The following ITGAM variants were observed in gnomAD, a reference collection of about 807,000 sequenced individuals.
ITGAM encodes integrin alpha-M.
ITGAM carries 79 observed loss-of-function variants against 137.5 expected under a neutral mutation model. The observed-to-expected ratio is 0.57, with a 90% confidence interval of 0.48 to 0.69. ITGAM has a LOEUF of 0.69. ITGAM is among the 30% of genes least tolerant of loss of function. The pLI, the probability that ITGAM is intolerant of heterozygous loss-of-function variation, is 0.00. For synonymous variants in ITGAM, 583 were observed against 592.3 expected, an observed-to-expected ratio of 0.98 and a Z score of 0.23; for missense variants, 1,343 against 1,483.5, an observed-to-expected ratio of 0.91 and a Z score of 1.56.
At chr16:31,276,785 G>T in intron 10 of ITGAM, 41 bp downstream of exon 10, 1 of 1,569,632 alleles carries the variant, frequency 6.4e-7, no homozygotes, top group South Asian at 1.1e-5. Flanking sequence ...GGGGCAGGGG[G>T]TAGCAAGAAG....
chr16:31,302,408 T>TTTTCTTTCTTTC (rs140903387), intron 14 of ITGAM, among the ~76,000 whole-genome samples: 18 of 130,964 alleles, frequency 1.4e-4, no homozygotes, highest in African/African-American at 5.8e-4. Context: ...TTCTTTTCTT[T>TTTTCTTTCTTTC]TTTCTTTCTT....
chr16:31,272,489 T>A (rs2079862582), intron 7 of ITGAM, among the ~76,000 whole-genome samples: 3 of 61,288 alleles, frequency 4.9e-5, no homozygotes, highest in African/African-American at 1.8e-4. Flanking sequence ...TTTTTTTTTT[T>A]TTTTTTTTTT....
chr16:31,292,834 T>G (rs1261842972), intron 12 of ITGAM, among the ~76,000 whole-genome samples: 1 of 152,086 alleles, frequency 6.6e-6, no homozygotes, highest in African/African-American at 2.4e-5. Context: ...TTTGAGGAGT[T>G]GCCATACTGC....
intron 1 of ITGAM, among the ~76,000 whole-genome samples, chr16:31,261,198 CTTTTT>C (rs1017498448): frequency 8.1e-6 from 1 of 123,234 alleles, no homozygotes; most frequent in African/African-American, 2.9e-5. Flanking sequence ...ATGCTGCTAT[CTTTTT>C]TTTTTTTTTT....
At chr16:31,321,767 G>C in intron 16 of ITGAM, 140 bp downstream of exon 16, 2 of 856,590 alleles carry the variant, frequency 2.3e-6, no homozygotes, top group Non-Finnish European at 3.5e-6. Context: ...CCTTACCTGA[G>C]TGAGCAGGCT....
chr16:31,274,630 T>C (rs1297780645), intron 8 of ITGAM, among the ~76,000 whole-genome samples: 1 of 152,102 alleles, frequency 6.6e-6, no homozygotes, highest in Non-Finnish European at 1.5e-5. Context: ...ATTTATTTAT[T>C]TTGAGACTGA....
At chr16:31,278,167 A>T in intron 12 of ITGAM, 58 bp downstream of exon 12, 1 of 1,525,498 alleles carries the variant, frequency 6.6e-7, no homozygotes. Context: ...GGTCTTAGAG[A>T]TTCCAGGAGG....
chr16:31,285,096 G>T (rs550365556), intron 12 of ITGAM, among the ~76,000 whole-genome samples: 2 of 152,218 alleles, frequency 1.3e-5, no homozygotes, highest in African/African-American at 2.4e-5. Context: ...ACGTGAGGGG[G>T]TCGTGATCGA....
chr16:31,304,116 G>A lies in ITGAM; in HGVS notation c.1707+6162G>A, dbSNP rs971880831. ...AGTGTCCCCTTTTCATCACATCCAT[G>A]CCAGATCTATTGTTTTTTGACTTTT... On this transcript the variant is annotated intron_variant, in intron 14 of 29. Transcript: ENST00000544665. Among the ~76,000 whole-genome samples, 12 of 152,130 alleles carry A rather than the reference G, an allele frequency of 7.9e-5. 1 individual carries two copies. The highest frequency in any genetic ancestry group is 4.6e-4 in the Admixed American group (7 of 15,262).
chr16:31,306,312 A>G (rs1057148755), intron 14 of ITGAM, among the ~76,000 whole-genome samples: 4 of 152,144 alleles, frequency 2.6e-5, no homozygotes, highest in African/African-American at 9.7e-5. Flanking sequence ...TAAAATAACG[A>G]TGATAATTTA....
intron 14 of ITGAM, among the ~76,000 whole-genome samples, chr16:31,304,841 A>G (rs918088516): frequency 2.0e-5 from 3 of 152,160 alleles, no homozygotes; most frequent in African/African-American, 4.8e-5. Flanking sequence ...TACCAGTACC[A>G]TGCTGTTTTG....
In ITGAM at chr16:31,315,959, C is replaced by T. The variant is rs150899030; in HGVS notation, c.1708-5282C>T. The stretch of plus-strand genomic sequence containing the variant: ...CCTGTAATCTCAGCACTTTGGAAGG[C>T]TGAGGCGGGTGGATCATGAGGTCAG... On this transcript the variant is annotated intron_variant, in intron 14 of 29. Coordinates refer to ENST00000544665, the MANE Select transcript of ITGAM (RefSeq NM_000632.4). Among the ~76,000 whole-genome samples the T allele has an allele frequency of 9.0e-3, 1,368 of 151,600 alleles. 23 individuals carry two copies. Among genetic ancestry groups the T allele is most frequent in the African/African-American group, 0.032 (1,303 of 41,364 alleles).
rs2080496962 is a variant in ITGAM at position 31,325,346 on chromosome 16, C to T, written c.2447C>T (p.Thr816Ile). 6.2e-7 allele frequency: 1 copy of T among 1,613,924 alleles called. No individual in the cohort carries two copies. The highest frequency in any genetic ancestry group is 8.5e-7 in the Non-Finnish European group (1 of 1,179,838). The change falls in exon 20 of 30, where the codon ACA (threonine) becomes ATA (isoleucine). Residue 816 changes from threonine to isoleucine, a missense_variant. Physicochemically the swap from Thr to Ile is moderately conservative, Grantham distance 89 (BLOSUM62 -1). Transcript: ENST00000544665. ...AATGATGGTGAGGACTCCTACAGGA[C>T]ACAGGTCACCTTCTTCTTCCCGCTT... ...VRNDGEDSYRTQVTFFFPLDL... is the reference protein window; with the variant it reads ...VRNDGEDSYRIQVTFFFPLDL...
rs1186979112 is a variant in ITGAM, at chr16:31,332,012, C to CGAGTGTGTGCATGTGTGT, written c.*307_*324dup. ...GTGTGTGCAAGTGTGTGCATGTGTG[C>CGAGTGTGTGCATGTGTGT]GAGTGTGTGCATGTGTGTGCTCAGG... On this transcript the variant is annotated 3_prime_UTR_variant, in exon 30 of 30. Transcript: ENST00000544665. 4.8e-6 allele frequency: 2 copies of CGAGTGTGTGCATGTGTGT among 413,784 alleles called. No homozygotes were observed. Among genetic ancestry groups the CGAGTGTGTGCATGTGTGT allele is most frequent in the East Asian group, 8.9e-5 (2 of 22,544 alleles). 25.6% of individuals were successfully genotyped at this position (413,784 alleles called of 1,614,324 possible).
Position 31,331,761 on chromosome 16 carries a change from C to A in ITGAM, c.*54C>A. On this transcript the variant is annotated 3_prime_UTR_variant, in exon 30 of 30. Transcript: ENST00000544665. ...GGTGGCCAGCAGGACTCTGCCCAGA[C>A]CACACGTAGCCCCCAGGCTGCTGGA... The A allele has an allele frequency of 7.4e-7, 1 of 1,350,296 alleles. No homozygotes were observed. The highest frequency in any genetic ancestry group is 1.0e-6 in the Non-Finnish European group (1 of 979,252). The allele number at this position is 1,350,296 out of a possible 1,614,324, so 83.6% of individuals were successfully genotyped here.
intron 7 of ITGAM, among the ~76,000 whole-genome samples, chr16:31,272,422 A>AATATATATAT (rs2079850545): frequency 4.6e-3 from 226 of 48,900 alleles, no homozygotes; most frequent in Non-Finnish European, 7.5e-3. Flanking sequence ...AGGCCAATTA[A>AATATATATAT]CTATATATAT....
At chr16:31,329,176 C>T in intron 23 of ITGAM, 52 bp from the exon 24 acceptor site, 3 of 1,268,074 alleles carry the variant, frequency 2.4e-6, no homozygotes, top group Non-Finnish European at 3.4e-6. Context: ...AGACACCCTC[C>T]CAGGGCACCC....
intron 16 of ITGAM, among the ~76,000 whole-genome samples, chr16:31,323,992 AAG>A (rs535344691): frequency 4.0e-4 from 61 of 152,142 alleles, no homozygotes; most frequent in South Asian, 2.3e-3. Context: ...CAGCCTGGGC[AAG>A]AGAGTGAGAT....
chr16:31,277,121 T>G, intron 11 of ITGAM, 72 bp downstream of exon 11: 4 of 1,370,802 alleles, frequency 2.9e-6, no homozygotes, highest in Non-Finnish European at 4.0e-6. Context: ...CATAGATGTC[T>G]GGGTCTTGAA....
Sources: gnomAD v4.1 joint callset for allele counts (sites outside exome capture counted in the v4.1 genomes callset) on GRCh38, gnomAD v4.1.1 for gene constraint, MANE v1.5 for transcripts, NCBI Gene and HGNC (gene_info 2026-07-23, HGNC 2026-07-21) for gene names.